GPR176: variants seen among roughly 807,000 people sequenced by gnomAD.
GPR176 encodes G-protein coupled receptor 176.
In GPR176, 26 loss-of-function variants were observed where a neutral mutation model predicts 35.4. The observed-to-expected ratio is 0.74, with a 90% CI of 0.54 to 1.02. The LOEUF (loss-of-function observed/expected upper bound fraction) is 1.02, where lower values mean the gene tolerates loss of function less well. GPR176 is among the 50% of genes least tolerant of loss of function. GPR176 has a pLI of 0.00. For missense variants in GPR176, 597 were observed against 665.3 expected (o/e 0.90, Z 1.13); for synonymous variants, 278 against 271.3 (o/e 1.02, Z -0.24).
intron 1 of GPR176, among the ~76,000 whole-genome samples, chr15:39,885,392 G>A (rs542879592): frequency 1.3e-5 from 2 of 152,338 alleles, no homozygotes; most frequent in South Asian, 4.1e-4. Context: ...AAATGGAAAT[G>A]CAAAATAAAA....
chr15:39,820,252 G>A (rs1464026339), intron 1 of GPR176, among the ~76,000 whole-genome samples: 2 of 152,202 alleles, frequency 1.3e-5, no homozygotes, highest in Non-Finnish European at 2.9e-5. Context: ...CCAGGACGAG[G>A]CAGGAGATAG....
intron 1 of GPR176, among the ~76,000 whole-genome samples, chr15:39,876,142 G>C (rs1248860958): frequency 1.3e-5 from 2 of 151,710 alleles, no homozygotes; most frequent in Non-Finnish European, 2.9e-5. Context: ...TCCAGCCTGG[G>C]TGACAGAGTG....
intron 1 of GPR176, among the ~76,000 whole-genome samples, chr15:39,885,689 A>C (rs1053934618): frequency 6.6e-6 from 1 of 152,212 alleles, no homozygotes; most frequent in African/African-American, 2.4e-5. Flanking sequence ...CTATGCATAT[A>C]TCTTCTGGAT....
At chr15:39,810,289 G>A (rs561327792) in intron 1 of GPR176, among the ~76,000 whole-genome samples, 5 of 152,212 alleles carry the variant, frequency 3.3e-5, no homozygotes, top group African/African-American at 4.8e-5. Flanking sequence ...AAGACTTCTC[G>A]TTCTGTAATA....
chr15:39,807,645 C>T (rs1157223358), intron 1 of GPR176: 1 of 780,194 alleles, frequency 1.3e-6, no homozygotes, highest in Admixed American at 2.0e-5. Flanking sequence ...AAATACAGTG[C>T]AAACCGCACA....
intron 1 of GPR176, among the ~76,000 whole-genome samples, chr15:39,894,810 G>A (rs1035931839): frequency 3.0e-4 from 46 of 152,310 alleles, no homozygotes; most frequent in Non-Finnish European, 5.9e-4. Context: ...TCACTTCCCA[G>A]ACGGGGTGGT....
chr15:39,864,835 C>A (rs2031760597), intron 1 of GPR176, among the ~76,000 whole-genome samples: 1 of 151,076 alleles, frequency 6.6e-6, no homozygotes, highest in Non-Finnish European at 1.5e-5. Context: ...CTCAAACAAT[C>A]CAACAAAAAA....
rs113653046 is a variant in GPR176 at position 39,869,004 on chromosome 15, C to CAA, written c.172+50849_172+50850dup. On this transcript the variant is annotated intron_variant, in intron 1 of 2. Transcript: ENST00000561100. The stretch of plus-strand genomic sequence containing the variant: ...AGGCAACAAGAGCAAAATTCTGTCT[C>CAA]AAAAAAAAAAAAAAATTCCCCCAAA... 3.1e-3 allele frequency among the ~76,000 whole-genome samples: 435 copies of CAA among 140,194 alleles called. 4 individuals carry two copies. The East Asian group carries it at 0.034, about 11-fold the overall frequency. The allele number at this position is 140,194 out of a possible 152,430, so 92.0% of individuals were successfully genotyped here. A position where few individuals can be genotyped will look rare whatever the true frequency, so the allele number is the denominator to read the frequency against.
At chr15:39,817,710 G>C (rs983784698) in intron 1 of GPR176, among the ~76,000 whole-genome samples, 2 of 152,222 alleles carry the variant, frequency 1.3e-5, no homozygotes, top group Non-Finnish European at 2.9e-5. Flanking sequence ...GAGCAAGAGA[G>C]AGAGCGAGGG....
intron 1 of GPR176, among the ~76,000 whole-genome samples, chr15:39,868,139 T>C (rs1340288248): frequency 6.6e-6 from 1 of 151,996 alleles, no homozygotes; most frequent in Non-Finnish European, 1.5e-5. Flanking sequence ...ATGAATGAAC[T>C]GAGTTTTACA....
intron 2 of GPR176, among the ~76,000 whole-genome samples, chr15:39,802,577 ACAGTACCCTC>A (rs1165578696): frequency 4.6e-5 from 7 of 152,254 alleles, no homozygotes; most frequent in Admixed American, 3.9e-4. Context: ...GAAATCGCAA[ACAGTACCCTC>A]CATATAAAAG....
At chr15:39,804,873 A>G (rs987954162) in intron 2 of GPR176, among the ~76,000 whole-genome samples, 1 of 152,248 alleles carries the variant, frequency 6.6e-6, no homozygotes, top group African/African-American at 2.4e-5. Context: ...CCTACATGTA[A>G]TGTCCAATAA....
At chr15:39,847,947 G>A (rs1041220934) in intron 1 of GPR176, among the ~76,000 whole-genome samples, 1 of 152,078 alleles carries the variant, frequency 6.6e-6, no homozygotes, top group Non-Finnish European at 1.5e-5. Flanking sequence ...CATGGCCGAA[G>A]GTGATGGGGA....
chr15:39,830,680 G>A (rs1320718276), intron 1 of GPR176, among the ~76,000 whole-genome samples: 1 of 152,188 alleles, frequency 6.6e-6, no homozygotes, highest in Non-Finnish European at 1.5e-5. Flanking sequence ...CTGCAGCTAT[G>A]CAAAATAGAA....
chr15:39,890,754 ATCT>A (rs2032842366), intron 1 of GPR176, among the ~76,000 whole-genome samples: 1 of 152,102 alleles, frequency 6.6e-6, no homozygotes, highest in African/African-American at 2.4e-5. Context: ...AGAAACATAA[ATCT>A]TCTCACCATC....
intron 1 of GPR176, among the ~76,000 whole-genome samples, chr15:39,844,353 C>T (rs557550419): frequency 6.6e-6 from 1 of 152,180 alleles, no homozygotes; most frequent in East Asian, 1.9e-4. Context: ...TTTCCAACCA[C>T]ACATCTGGAA....
At chr15:39,817,667 A>G (rs1232429231) in intron 1 of GPR176, among the ~76,000 whole-genome samples, 1 of 152,198 alleles carries the variant, frequency 6.6e-6, no homozygotes, top group Non-Finnish European at 1.5e-5. Flanking sequence ...CCCAAGCAAA[A>G]CCTCCAAAGA....
At chr15:39,806,866 C>T in intron 2 of GPR176, 140 bp downstream of exon 2, 1 of 719,198 alleles carries the variant, frequency 1.4e-6, no homozygotes, top group Non-Finnish European at 2.2e-6. Context: ...ATCTGTTTTG[C>T]ACATTTATTC....
At chr15:39,832,096 G>T (rs1901124943) in intron 1 of GPR176, among the ~76,000 whole-genome samples, 1 of 151,808 alleles carries the variant, frequency 6.6e-6, no homozygotes, top group Admixed American at 6.6e-5. Flanking sequence ...CATACAAATG[G>T]CCAATAAGCA....
Sources: allele counts gnomAD v4.1 joint callset (sites outside exome capture counted in the v4.1 genomes callset), GRCh38; gene constraint gnomAD v4.1.1; transcripts MANE v1.5; gene names NCBI Gene and HGNC (gene_info 2026-07-23, HGNC 2026-07-21).